Variants in BCAS1 observed in about 807,000 individuals in gnomAD.
The protein encoded by BCAS1 is breast carcinoma-amplified sequence 1.
Under a neutral mutation model 65.4 loss-of-function variants are expected in BCAS1, and 46 were observed. The ratio of observed to expected loss-of-function variants is 0.70; its 90% CI spans 0.55 to 0.90. BCAS1 has a LOEUF of 0.90. Ranked by LOEUF, BCAS1 falls within the 40% of genes least tolerant of loss-of-function variation. The pLI is 0.00. For missense variants in BCAS1, 793 were observed against 771.2 expected (o/e 1.03, Z -0.33); for synonymous variants, 298 against 293.5 (o/e 1.02, Z -0.16).
chr20:54,035,380 G>A (rs1158580530), intron 3 of BCAS1, among the ~76,000 whole-genome samples: 6 of 126,644 alleles, frequency 4.7e-5, no homozygotes, highest in Admixed American at 1.8e-4. Flanking sequence ...CAGCCTGGGC[G>A]ACAGAGTGAG....
At chr20:54,048,855 T>C (rs1163503321) in intron 3 of BCAS1, among the ~76,000 whole-genome samples, 1 of 152,224 alleles carries the variant, frequency 6.6e-6, no homozygotes, top group Non-Finnish European at 1.5e-5. Context: ...TCTAAGTCTT[T>C]AGTGTATCTC....
chr20:54,011,031 G>A (rs983057137), intron 4 of BCAS1, among the ~76,000 whole-genome samples: 3 of 151,954 alleles, frequency 2.0e-5, no homozygotes, highest in Non-Finnish European at 1.5e-5. Flanking sequence ...ATCTATAGAG[G>A]AAAAGAAAGA....
At position 54,008,226 on chromosome 20, in the gene BCAS1, C is replaced by A. The variant is rs527893435; in HGVS notation, c.724-12176G>T. 3.9e-5 allele frequency among the ~76,000 whole-genome samples: 6 copies of A among 152,178 alleles called. No homozygotes were observed. In the East Asian group the frequency reaches 9.6e-4, roughly 24 times the overall value. ...AAGACCGTAATAGGTTATCCCAATA[C>A]CCCTGCAAGATGGCATCTGTGGGGC... On this transcript the variant is annotated intron_variant, in intron 4 of 12. Transcript: ENST00000688948.
intron 1 of BCAS1, 149 bp from the exon 2 acceptor site, chr20:54,058,872 T>G (rs1382273177): frequency 1.2e-6 from 1 of 827,206 alleles, no homozygotes; most frequent in Non-Finnish European, 1.9e-6. Context: ...TAGTCCGTTC[T>G]CACACTGCTA....
chr20:53,962,927 T>C (rs577851379), intron 10 of BCAS1, among the ~76,000 whole-genome samples: 28 of 152,208 alleles, frequency 1.8e-4, no homozygotes, highest in Admixed American at 1.6e-3. Flanking sequence ...CTCAGCTCAC[T>C]GCAAGCTCTG....
At chr20:54,048,871 T>G (rs537057542) in intron 3 of BCAS1, among the ~76,000 whole-genome samples, 1 of 152,322 alleles carries the variant, frequency 6.6e-6, no homozygotes, top group East Asian at 1.9e-4. Context: ...ATCTCAGGCC[T>G]TGTGCTGAGC....
intron 4 of BCAS1, among the ~76,000 whole-genome samples, chr20:53,996,626 CT>C (rs995265664): frequency 1.6e-4 from 24 of 152,180 alleles, no homozygotes; most frequent in Admixed American, 5.9e-4. Context: ...CTGAATCTGC[CT>C]TCCTTTCACC....
chr20:54,011,091 C>A (rs2091309529), intron 4 of BCAS1, among the ~76,000 whole-genome samples: 1 of 152,084 alleles, frequency 6.6e-6, no homozygotes, highest in South Asian at 2.1e-4. Context: ...CAAAAGAGAT[C>A]GTGGACTTAA....
At chr20:54,007,000 G>A (rs779708606) in intron 4 of BCAS1, among the ~76,000 whole-genome samples, 4 of 152,184 alleles carry the variant, frequency 2.6e-5, no homozygotes, top group African/African-American at 4.8e-5. Context: ...GCCACGGAGG[G>A]TGAGGTGATG....
At chr20:54,047,850 C>T (rs1038991478) in intron 3 of BCAS1, among the ~76,000 whole-genome samples, 1 of 152,190 alleles carries the variant, frequency 6.6e-6, no homozygotes, top group Non-Finnish European at 1.5e-5. Context: ...GGTTTAAATA[C>T]CCTCTAGTGG....
chr20:54,060,049 G>A (rs2092357384), intron 1 of BCAS1, among the ~76,000 whole-genome samples: 1 of 152,174 alleles, frequency 6.6e-6, no homozygotes, highest in Non-Finnish European at 1.5e-5. Context: ...CCACAAACGA[G>A]GTTGTTTCTG....
At chr20:53,995,090 C>A (rs751220117) in intron 5 of BCAS1, 34 bp from the exon 6 acceptor site, 1 of 1,576,956 alleles carries the variant, frequency 6.3e-7, no homozygotes, top group African/African-American at 1.4e-5. Context: ...TATTAGAAAT[C>A]ATTGCTCTTT....
chr20:53,947,765 G>A (rs780460574), intron 12 of BCAS1, among the ~76,000 whole-genome samples: 10 of 152,102 alleles, frequency 6.6e-5, no homozygotes, highest in Non-Finnish European at 1.2e-4. Flanking sequence ...CATTGTAATC[G>A]CTTGTTGCTG....
chr20:53,981,556 T>TA (rs1227188057), intron 8 of BCAS1, among the ~76,000 whole-genome samples: 3 of 151,426 alleles, frequency 2.0e-5, no homozygotes, highest in South Asian at 4.2e-4. Context: ...TTTTTTTTTT[T>TA]ACTCGATCCT....
At chr20:53,975,232 A>G (rs1293002634) in intron 9 of BCAS1, among the ~76,000 whole-genome samples, 157 bp downstream of exon 9, 1 of 152,178 alleles carries the variant, frequency 6.6e-6, no homozygotes, top group South Asian at 2.1e-4. Flanking sequence ...GTTATCCTCC[A>G]TGCGTCCCTA....
intron 8 of BCAS1, among the ~76,000 whole-genome samples, chr20:53,980,101 A>G (rs562442558): frequency 1.4e-4 from 21 of 152,334 alleles, no homozygotes; most frequent in African/African-American, 4.8e-4. Context: ...TGATGACCCA[A>G]GTACCATAAC....
rs375524459 is a variant in BCAS1 at position 53,945,001 on chromosome 20, A to G, written c.1816-5T>C. The G allele has an allele frequency of 1.4e-5, 22 of 1,613,972 alleles. No individual in the cohort carries two copies. The African/African-American group carries it at 2.5e-4, about 19-fold the overall frequency. On this transcript the variant is annotated splice_region_variant and splice_polypyrimidine_tract_variant and intron_variant, in intron 12 of 12. Coordinates refer to ENST00000688948, the MANE Select transcript of BCAS1 (RefSeq NM_001366298.2). Reference sequence around the variant, plus strand: ...ATCCAACATCCGCTTTGGTCCCTGGAGAAAAACAGAAAGACGTGGCAGCCT... The same window carrying G: ...ATCCAACATCCGCTTTGGTCCCTGGGGAAAAACAGAAAGACGTGGCAGCCT...
chr20:54,034,584 AAAG>A (rs2091863018), intron 3 of BCAS1, among the ~76,000 whole-genome samples: 1 of 151,332 alleles, frequency 6.6e-6, no homozygotes, highest in Non-Finnish European at 1.5e-5. Context: ...TAGGGAGGTG[AAAG>A]ATCTCTACAA....
chr20:53,975,583 C>T (rs1161758058), intron 8 of BCAS1, among the ~76,000 whole-genome samples, 153 bp from the exon 9 acceptor site: 3 of 146,896 alleles, frequency 2.0e-5, no homozygotes, highest in Admixed American at 6.9e-5. Context: ...AGAAAGGAGA[C>T]TTACAAAAAT....
Sources: gnomAD v4.1 joint callset for allele counts (sites outside exome capture counted in the v4.1 genomes callset) on GRCh38, gnomAD v4.1.1 for gene constraint, MANE v1.5 for transcripts, NCBI Gene and HGNC (gene_info 2026-07-23, HGNC 2026-07-21) for gene names.